UQCC1: variants seen among roughly 807,000 people sequenced by gnomAD.
The protein encoded by UQCC1 is bFGF-repressed Zic-binding protein.
UQCC1 carries 38 observed loss-of-function variants against 48.0 expected under a neutral mutation model. The observed-to-expected ratio is 0.79, with a 90% CI of 0.61 to 1.04. The LOEUF is 1.04. Among genes scored for constraint, UQCC1 ranks in the 50% least tolerant of loss-of-function variants. UQCC1 has a pLI of 0.00. For synonymous variants in UQCC1, 111 were observed against 129.2 expected (o/e 0.86, Z 0.95); for missense variants, 368 against 381.8 (o/e 0.96, Z 0.30).
At chr20:35,339,440 T>A (rs979538237) in intron 7 of UQCC1, among the ~76,000 whole-genome samples, 1 of 152,126 alleles carries the variant, frequency 6.6e-6, no homozygotes, top group African/African-American at 2.4e-5. Context: ...TATAGTGCCA[T>A]GAGCAGACAG....
At chr20:35,324,405 C>T (rs1036076315) in intron 7 of UQCC1, among the ~76,000 whole-genome samples, 1 of 152,196 alleles carries the variant, frequency 6.6e-6, no homozygotes, top group Non-Finnish European at 1.5e-5. Context: ...CTGCTCACTG[C>T]AAGCTCTGCC....
chr20:35,393,957 T>C, intron 2 of UQCC1, 135 bp downstream of exon 2: 1 of 742,130 alleles, frequency 1.3e-6, no homozygotes, highest in South Asian at 1.6e-5. Flanking sequence ...CAGTCCTAAG[T>C]TGGCACCACA....
intron 2 of UQCC1, chr20:35,386,451 C>T (rs767607814): frequency 2.3e-5 from 10 of 425,576 alleles, no homozygotes; most frequent in Admixed American, 8.6e-5. Context: ...TCTTTCCAAA[C>T]GAGGATATTA....
intron 6 of UQCC1, among the ~76,000 whole-genome samples, chr20:35,363,157 T>C (rs1460279425): frequency 6.6e-6 from 1 of 151,966 alleles, no homozygotes; most frequent in African/African-American, 2.4e-5. Flanking sequence ...CAAAGTAACA[T>C]GCATTTGTTA....
chr20:35,360,358 C>T (rs531863845), intron 6 of UQCC1, among the ~76,000 whole-genome samples: 12 of 152,244 alleles, frequency 7.9e-5, no homozygotes, highest in African/African-American at 2.4e-4. Flanking sequence ...CAGTGTCTGC[C>T]GGTGCAGTTC....
chr20:35,381,841 G>T, intron 4 of UQCC1, 77 bp downstream of exon 4: 1 of 869,406 alleles, frequency 1.2e-6, no homozygotes. Flanking sequence ...AAGCAAAGCA[G>T]AAGCTTTAAA....
intron 1 of UQCC1, among the ~76,000 whole-genome samples, chr20:35,394,779 T>C (rs1715791318): frequency 6.6e-6 from 1 of 152,156 alleles, no homozygotes; most frequent in Admixed American, 6.5e-5. Context: ...ATTCTTAAAC[T>C]AACTGCCTGG....
At chr20:35,392,702 G>T (rs1418279784) in intron 2 of UQCC1, among the ~76,000 whole-genome samples, 1 of 152,084 alleles carries the variant, frequency 6.6e-6, no homozygotes, top group Non-Finnish European at 1.5e-5. Context: ...TCTGTGCCAG[G>T]CATAGTGAAA....
chr20:35,356,473 A>C (rs1044121616), intron 6 of UQCC1, among the ~76,000 whole-genome samples: 2 of 152,236 alleles, frequency 1.3e-5, no homozygotes, highest in Non-Finnish European at 2.9e-5. Context: ...AATAGCAAAA[A>C]CGGACAAGTG....
chr20:35,401,640 T>G (rs1019032181), intron 1 of UQCC1, among the ~76,000 whole-genome samples: 1 of 150,190 alleles, frequency 6.7e-6, no homozygotes, highest in Non-Finnish European at 1.5e-5. Context: ...GAAAATCAAT[T>G]ATAAACATGA....
At chr20:35,324,846 A>G (rs1406329156) in intron 7 of UQCC1, among the ~76,000 whole-genome samples, 3 of 152,198 alleles carry the variant, frequency 2.0e-5, no homozygotes, top group Non-Finnish European at 4.4e-5. Flanking sequence ...TATATGTCCA[A>G]AAGAATTGAA....
chr20:35,304,662 T>C (rs540923425), intron 9 of UQCC1: 1 of 154,598 alleles, frequency 6.5e-6, no homozygotes, highest in East Asian at 1.9e-4. Context: ...TGTCCTCTAG[T>C]GGGCCCCTGG....
At chr20:35,315,393 T>C (rs973421966) in intron 7 of UQCC1, 1 of 152,100 alleles carries the variant, frequency 6.6e-6, no homozygotes. Context: ...ATGTTGAGAC[T>C]AGGTTAGGAG....
intron 7 of UQCC1, among the ~76,000 whole-genome samples, chr20:35,340,801 T>C (rs115750516): frequency 0.011 from 1,613 of 152,258 alleles, 17 homozygotes; most frequent in African/African-American, 0.037. Context: ...TATCGTAAAA[T>C]AGAAGAGGTC....
chr20:35,363,533 A>G (rs954551336), intron 6 of UQCC1, among the ~76,000 whole-genome samples: 5 of 152,182 alleles, frequency 3.3e-5, no homozygotes, highest in African/African-American at 9.7e-5. Context: ...AAACTAAAAA[A>G]ATCAGACAGG....
intron 7 of UQCC1, among the ~76,000 whole-genome samples, chr20:35,324,247 CTTTG>C (rs2061164045): frequency 1.3e-5 from 2 of 152,196 alleles, no homozygotes. Flanking sequence ...CCAATAAATC[CTTTG>C]TTTGCTTAAA....
At chr20:35,330,151 G>C (rs969602039) in intron 7 of UQCC1, among the ~76,000 whole-genome samples, 2 of 152,244 alleles carry the variant, frequency 1.3e-5, no homozygotes, top group African/African-American at 2.4e-5. Flanking sequence ...GGAGGTCTTT[G>C]ATTGGAGGCT....
chr20:35,400,886 C>A (rs1284846887), intron 1 of UQCC1, among the ~76,000 whole-genome samples: 4 of 152,200 alleles, frequency 2.6e-5, no homozygotes, highest in Admixed American at 6.5e-5. Flanking sequence ...TCAAAACATT[C>A]TGACATACCA....
intron 9 of UQCC1, chr20:35,304,781 T>C (rs992642414): frequency 3.3e-4 from 51 of 152,390 alleles, no homozygotes; most frequent in African/African-American, 1.2e-3. Context: ...AGACTTCATC[T>C]TAGGCTTTAG....
Sources: allele counts gnomAD v4.1 joint callset (sites outside exome capture counted in the v4.1 genomes callset), GRCh38; gene constraint gnomAD v4.1.1; transcripts MANE v1.5; gene names NCBI Gene and HGNC (gene_info 2026-07-23, HGNC 2026-07-21).